Variants in EPHB1 observed in about 807,000 individuals in gnomAD.
The protein encoded by EPHB1 is EPH receptor B1.
In EPHB1, 30 loss-of-function variants were observed where a neutral mutation model predicts 94.4. That is an observed-to-expected ratio of 0.32 (90% CI 0.24 to 0.43). EPHB1 has a LOEUF of 0.43. Among genes scored for constraint, EPHB1 ranks in the 20% least tolerant of loss-of-function variants. The probability of loss-of-function intolerance (pLI) is 1.00; values close to 1 mark genes in which losing one functional copy is unlikely to be tolerated. For synonymous variants in EPHB1, 522 were observed against 489.1 expected, an observed-to-expected ratio of 1.07 and a Z score of -0.89; for missense variants, 1,055 against 1,308.3, an observed-to-expected ratio of 0.81 and a Z score of 2.99.
chr3:135,105,745 T>C (rs1368001779), intron 3 of EPHB1, among the ~76,000 whole-genome samples: 6 of 152,172 alleles, frequency 3.9e-5, no homozygotes, highest in African/African-American at 1.4e-4. Flanking sequence ...TGACACCAAG[T>C]GTGTGACACG....
chr3:135,217,920 C>T (rs914905993), intron 12 of EPHB1, among the ~76,000 whole-genome samples: 7 of 152,140 alleles, frequency 4.6e-5, no homozygotes, highest in African/African-American at 7.2e-5. Flanking sequence ...TCTGTCAGAA[C>T]GGGCAAGGTT....
chr3:135,207,916 A>G (rs1942940346), intron 12 of EPHB1, among the ~76,000 whole-genome samples: 1 of 152,164 alleles, frequency 6.6e-6, no homozygotes, highest in Non-Finnish European at 1.5e-5. Context: ...CATCAATCCC[A>G]TCTTGGGGAC....
intron 1 of EPHB1, among the ~76,000 whole-genome samples, chr3:134,923,832 C>T (rs764404811): frequency 2.6e-5 from 4 of 152,062 alleles, no homozygotes; most frequent in Non-Finnish European, 5.9e-5. Context: ...ACATGGTAAA[C>T]AAGGAGTGGC....
intron 3 of EPHB1, among the ~76,000 whole-genome samples, chr3:134,979,471 A>G (rs747382252): frequency 3.9e-5 from 6 of 152,192 alleles, no homozygotes; most frequent in Non-Finnish European, 7.3e-5. Context: ...TCACTTCAAG[A>G]AGACATTTTA....
chr3:135,248,624 T>A, intron 14 of EPHB1, 115 bp downstream of exon 14: 1 of 1,057,780 alleles, frequency 9.5e-7, no homozygotes, highest in Non-Finnish European at 1.3e-6. Context: ...CTAGTTGCAG[T>A]GTGGGCCTTA....
At chr3:135,230,725 C>T (rs1443808607) in intron 12 of EPHB1, among the ~76,000 whole-genome samples, 2 of 152,160 alleles carry the variant, frequency 1.3e-5, no homozygotes, top group Non-Finnish European at 2.9e-5. Context: ...CTCCCTCCCT[C>T]TCACCTCTAG....
chr3:135,221,737 G>A (rs113474500), intron 12 of EPHB1, among the ~76,000 whole-genome samples: 6,307 of 152,108 alleles, frequency 0.041, 406 homozygotes, highest in African/African-American at 0.14. Flanking sequence ...ACTATATTAC[G>A]CCTCATGTAC....
chr3:135,121,899 A>G (rs1015382166), intron 4 of EPHB1, among the ~76,000 whole-genome samples: 5 of 152,068 alleles, frequency 3.3e-5, no homozygotes, highest in African/African-American at 9.7e-5. Context: ...TAACTATATC[A>G]GGCAGTCCCT....
At chr3:134,943,510 G>A (rs1229876861) in intron 2 of EPHB1, among the ~76,000 whole-genome samples, 1 of 152,224 alleles carries the variant, frequency 6.6e-6, no homozygotes, top group Admixed American at 6.5e-5. Context: ...TTGTGGTGAT[G>A]AAGTGGGTGT....
chr3:135,067,367 G>T (rs1937594321), intron 3 of EPHB1, among the ~76,000 whole-genome samples: 1 of 152,136 alleles, frequency 6.6e-6, no homozygotes, highest in Non-Finnish European at 1.5e-5. Context: ...GTGTCTTGCT[G>T]TGGCTGCTGT....
intron 1 of EPHB1, among the ~76,000 whole-genome samples, chr3:134,902,234 A>G (rs1578182988): frequency 6.6e-6 from 1 of 152,226 alleles, no homozygotes; most frequent in African/African-American, 2.4e-5. Context: ...ATAGAGATAG[A>G]TGGAATTATT....
chr3:135,225,771 T>C (rs1351451427), intron 12 of EPHB1, among the ~76,000 whole-genome samples: 1 of 150,822 alleles, frequency 6.6e-6, no homozygotes, highest in Admixed American at 6.6e-5. Flanking sequence ...GAAACTGAGG[T>C]GACTCTGCCT....
At chr3:135,013,277 A>C (rs1016316372) in intron 3 of EPHB1, among the ~76,000 whole-genome samples, 1 of 152,188 alleles carries the variant, frequency 6.6e-6, no homozygotes, top group African/African-American at 2.4e-5. Context: ...TGAGTAGCAG[A>C]GGTTTGCCCC....
At chr3:135,157,000 G>A (rs185596239) in intron 6 of EPHB1, among the ~76,000 whole-genome samples, 3 of 152,010 alleles carry the variant, frequency 2.0e-5, no homozygotes, top group Admixed American at 6.6e-5. Flanking sequence ...TCTCCCCAGC[G>A]TGCACCTATT....
intron 3 of EPHB1, among the ~76,000 whole-genome samples, chr3:135,030,359 C>T (rs1268877826): frequency 1.3e-5 from 2 of 152,112 alleles, no homozygotes; most frequent in East Asian, 1.9e-4. Flanking sequence ...GTGGTTTTAT[C>T]TACTTTTGGT....
rs904263503 is a variant in EPHB1 at position 134,951,019 on chromosome 3, G to A, written c.124-352G>A. Among the ~76,000 whole-genome samples the A allele has an allele frequency of 6.6e-6, 1 of 152,198 alleles. No homozygotes were observed. Among genetic ancestry groups the A allele is most frequent in the African/African-American group, 2.4e-5 (1 of 41,444 alleles). ...CAGATTGGCTTTTAGAGCAGGTACTGTGGAAGTGAGGAAGAAAGTCCCTGC... is the reference window on the plus strand; with the variant it reads ...CAGATTGGCTTTTAGAGCAGGTACTATGGAAGTGAGGAAGAAAGTCCCTGC... On this transcript the variant is annotated intron_variant, in intron 2 of 15. Transcript: ENST00000398015. This position sits in a 1 kb window ranked among gnomAD's most constrained non-coding sequence, Gnocchi z 4.5.
intron 1 of EPHB1, among the ~76,000 whole-genome samples, chr3:134,923,926 C>T (rs2038738773): frequency 6.6e-6 from 1 of 152,230 alleles, no homozygotes; most frequent in Non-Finnish European, 1.5e-5. Flanking sequence ...TATATTGTAC[C>T]CTTCCCTGTT....
intron 15 of EPHB1, among the ~76,000 whole-genome samples, chr3:135,250,442 G>A (rs992907882): frequency 6.6e-6 from 1 of 152,080 alleles, no homozygotes; most frequent in Non-Finnish European, 1.5e-5. Context: ...CCACCCCAGG[G>A]CCTCAGTGGT....
At chr3:134,944,975 A>C (rs1014012859) in intron 2 of EPHB1, among the ~76,000 whole-genome samples, 1 of 152,232 alleles carries the variant, frequency 6.6e-6, no homozygotes, top group Non-Finnish European at 1.5e-5. Flanking sequence ...AAGTATCATA[A>C]TGTGGCTAAT....
Sources: gnomAD v4.1 joint callset for allele counts (sites outside exome capture counted in the v4.1 genomes callset) on GRCh38, gnomAD v4.1.1 for gene constraint, Gnocchi (gnomAD v3.1) non-coding constraint, MANE v1.5 for transcripts, NCBI Gene and HGNC (gene_info 2026-07-23, HGNC 2026-07-21) for gene names.